GRM1: variants seen among roughly 807,000 people sequenced by gnomAD.
GRM1 encodes glutamate metabotropic receptor 1.
A neutral mutation model predicts 90.9 loss-of-function variants in GRM1; 33 were observed. That is an observed-to-expected ratio of 0.36 (90% confidence interval 0.28 to 0.49). GRM1 has a LOEUF of 0.49. GRM1 is among the 20% of genes least tolerant of loss of function. GRM1 has a pLI of 0.99. For missense variants in GRM1, 1,190 were observed against 1,534.3 expected, an observed-to-expected ratio of 0.78 and a Z score of 3.75; for synonymous variants, 700 against 613.2, an observed-to-expected ratio of 1.14 and a Z score of -2.09.
At chr6:146,356,109 AT>A (rs1785572052) in intron 4 of GRM1, among the ~76,000 whole-genome samples, 1 of 152,192 alleles carries the variant, frequency 6.6e-6, no homozygotes, top group African/African-American at 2.4e-5. Context: ...TGAGATATAA[AT>A]GGTTATGCCA....
chr6:146,356,089 T>C (rs1051808325), intron 4 of GRM1, among the ~76,000 whole-genome samples: 2 of 152,060 alleles, frequency 1.3e-5, no homozygotes, highest in East Asian at 3.9e-4. Flanking sequence ...AATGCCAGAG[T>C]TCCCATGACT....
chr6:146,422,394 A>G (rs1048193258), intron 7 of GRM1, among the ~76,000 whole-genome samples: 2 of 152,218 alleles, frequency 1.3e-5, no homozygotes, highest in East Asian at 3.8e-4. Flanking sequence ...AAATAAGTCT[A>G]AGCTAAATAC....
At chr6:146,139,914 T>TCCCTTCCCTC (rs1562487818) in intron 1 of GRM1, among the ~76,000 whole-genome samples, 4 of 78,754 alleles carry the variant, frequency 5.1e-5, no homozygotes, top group African/African-American at 2.5e-4. Context: ...TCCCTTCCCT[T>TCCCTTCCCTC]CCCTCCCCTC....
chr6:146,280,240 T>C (rs112345669), intron 2 of GRM1, among the ~76,000 whole-genome samples: 217 of 152,176 alleles, frequency 1.4e-3, no homozygotes, highest in Non-Finnish European at 2.2e-3. Flanking sequence ...AAAGCTGAGG[T>C]TAATGCAGAG....
intron 1 of GRM1, among the ~76,000 whole-genome samples, chr6:146,045,628 AC>A (rs1791296607): frequency 6.6e-6 from 1 of 151,858 alleles, no homozygotes; most frequent in Admixed American, 6.6e-5. Flanking sequence ...TGTAAATGAA[AC>A]AAGATGATCG....
At chr6:146,179,954 C>A (rs1778484850) in intron 2 of GRM1, among the ~76,000 whole-genome samples, 1 of 151,858 alleles carries the variant, frequency 6.6e-6, no homozygotes, top group Admixed American at 6.6e-5. Context: ...CCAGCCTGGG[C>A]AACACAGGGA....
intron 5 of GRM1, among the ~76,000 whole-genome samples, chr6:146,360,831 G>A (rs1562638053): frequency 6.6e-6 from 1 of 152,138 alleles, no homozygotes; most frequent in Non-Finnish European, 1.5e-5. Context: ...ACAAGAATAA[G>A]GGGGAAAGGG....
chr6:146,132,599 G>T (rs931814682), intron 1 of GRM1, among the ~76,000 whole-genome samples: 3 of 152,108 alleles, frequency 2.0e-5, no homozygotes, highest in African/African-American at 7.2e-5. Context: ...TAACTGAAAA[G>T]ATCTGTAATT....
intron 1 of GRM1, among the ~76,000 whole-genome samples, chr6:146,144,945 A>C (rs753728543): frequency 6.6e-6 from 1 of 152,244 alleles, no homozygotes; most frequent in Non-Finnish European, 1.5e-5. Flanking sequence ...AGTAAAGGCT[A>C]TCCTTTTTAT....
chr6:146,168,366 T>A (rs1013743026), intron 2 of GRM1, among the ~76,000 whole-genome samples: 1 of 152,008 alleles, frequency 6.6e-6, no homozygotes, highest in Non-Finnish European at 1.5e-5. Context: ...AAGTTTATGA[T>A]AGTAAATTTC....
intron 2 of GRM1, among the ~76,000 whole-genome samples, chr6:146,228,720 C>G (rs879474280): frequency 2.0e-5 from 3 of 152,154 alleles, no homozygotes; most frequent in Non-Finnish European, 4.4e-5. Context: ...GCAGTCCACA[C>G]CCTGTCAAAG....
intron 1 of GRM1, 115 bp from the exon 2 acceptor site, chr6:146,159,233 A>G (rs1777624463): frequency 1.6e-6 from 2 of 1,241,900 alleles, no homozygotes. Context: ...CATATTTACA[A>G]ATTATTTGGC....
intron 7 of GRM1, among the ~76,000 whole-genome samples, chr6:146,419,638 G>T (rs967063963): frequency 6.6e-6 from 1 of 152,152 alleles, no homozygotes; most frequent in Non-Finnish European, 1.5e-5. Flanking sequence ...CAGGAATCAC[G>T]ACTGGGAGGC....
chr6:146,043,253 A>G (rs1288402036), intron 1 of GRM1, among the ~76,000 whole-genome samples: 1 of 152,020 alleles, frequency 6.6e-6, no homozygotes, highest in East Asian at 1.9e-4. Context: ...GCAATGATGC[A>G]TTCCATTGTG....
intron 3 of GRM1, among the ~76,000 whole-genome samples, chr6:146,349,272 G>A (rs1391746053): frequency 2.0e-5 from 3 of 149,250 alleles, no homozygotes; most frequent in Non-Finnish European, 3.0e-5. Flanking sequence ...TAGTAGATAC[G>A]GGGTTTCACT....
intron 7 of GRM1, among the ~76,000 whole-genome samples, chr6:146,412,589 A>G (rs531714053): frequency 6.6e-6 from 1 of 152,300 alleles, no homozygotes; most frequent in South Asian, 2.1e-4. Flanking sequence ...AATCAGCTCA[A>G]AGTTTGTTTC....
chr6:146,361,680 A>G (rs917567682), intron 5 of GRM1, among the ~76,000 whole-genome samples: 1 of 152,320 alleles, frequency 6.6e-6, no homozygotes, highest in Admixed American at 6.5e-5. Flanking sequence ...CCCATTTTAT[A>G]GACGAGGGAA....
chr6:146,420,497 C>T (rs1459578318), intron 7 of GRM1, among the ~76,000 whole-genome samples: 1 of 152,180 alleles, frequency 6.6e-6, no homozygotes, highest in African/African-American at 2.4e-5. Context: ...TTACGTTAAG[C>T]AGTGCCCCTC....
chr6:146,388,783 A>G (rs1457293295), intron 6 of GRM1, among the ~76,000 whole-genome samples: 1 of 152,094 alleles, frequency 6.6e-6, no homozygotes, highest in Non-Finnish European at 1.5e-5. Flanking sequence ...CCATTGAGAA[A>G]CACCACTCTC....
Sources: allele counts gnomAD v4.1 joint callset (sites outside exome capture counted in the v4.1 genomes callset), GRCh38; gene constraint gnomAD v4.1.1; transcripts MANE v1.5; gene names NCBI Gene and HGNC (gene_info 2026-07-23, HGNC 2026-07-21).